Variants in SYNE1 observed in about 807,000 individuals in gnomAD.
SYNE1 encodes spectrin repeat containing nuclear envelope protein 1.
Under a neutral mutation model 1,111.0 loss-of-function variants are expected in SYNE1, and 616 were observed. That is an observed-to-expected ratio of 0.55 (90% CI 0.52 to 0.59). The LOEUF is 0.59. Among genes scored for constraint, SYNE1 ranks in the 20% least tolerant of loss-of-function variants. SYNE1 has a pLI of 0.00. For synonymous variants in SYNE1, 3,855 were observed against 3,825.8 expected (o/e 1.01, Z -0.28); for missense variants, 10,006 against 10,417.0 (o/e 0.96, Z 1.72).
chr6:152,620,146 A>G (rs913653392), intron 3 of SYNE1, among the ~76,000 whole-genome samples: 2 of 152,056 alleles, frequency 1.3e-5, no homozygotes, highest in South Asian at 4.1e-4. Context: ...CAACATTAAC[A>G]CAGTTGATCA....
chr6:152,362,202 G>T lies in SYNE1; in HGVS notation c.10267C>A (p.Arg3423=). Residue 3423 remains arginine (R), a synonymous_variant, in exon 64 of 146, where the codon CGG becomes AGG. Transcript: ENST00000367255. ...TTTCCGAGCATCGTTGTTTTATCCC[G>T]CAGCTCCGCATGCTGCCTTTCTGAT... ...NESERQHAEL[R]DKTTMLGKAK... is the part of the protein sequence containing the mutation. 6.2e-7 allele frequency: 1 copy of T among 1,614,184 alleles called. No individual in the cohort carries two copies.
At chr6:152,152,836 T>C (rs2060687752) in intron 133 of SYNE1, among the ~76,000 whole-genome samples, 1 of 152,204 alleles carries the variant, frequency 6.6e-6, no homozygotes, top group Non-Finnish European at 1.5e-5. Context: ...ATGTTAGAGC[T>C]AGTGTACCAC....
chr6:152,474,084 C>G (rs545305634), intron 14 of SYNE1, among the ~76,000 whole-genome samples: 3 of 151,900 alleles, frequency 2.0e-5, no homozygotes, highest in Non-Finnish European at 4.4e-5. Flanking sequence ...ACTTGGAAGG[C>G]TGAGGCAGGA....
chr6:152,376,619 G>A, intron 57 of SYNE1, 61 bp from the exon 58 acceptor site: 1 of 1,595,582 alleles, frequency 6.3e-7, no homozygotes, highest in South Asian at 1.1e-5. Flanking sequence ...TGAAAATCAT[G>A]TTTGATAGAA....
chr6:152,475,261 G>T (rs1051269227), intron 14 of SYNE1, among the ~76,000 whole-genome samples: 1 of 152,224 alleles, frequency 6.6e-6, no homozygotes, highest in East Asian at 1.9e-4. Context: ...TCATGATGGG[G>T]TTATGTCCCA....
intron 3 of SYNE1, among the ~76,000 whole-genome samples, chr6:152,610,474 C>T (rs1426872353): frequency 6.6e-6 from 1 of 152,074 alleles, no homozygotes; most frequent in Non-Finnish European, 1.5e-5. Context: ...TGAGCAAAGC[C>T]TACAAAAATA....
intron 100 of SYNE1, among the ~76,000 whole-genome samples, chr6:152,267,425 A>G (rs952471883): frequency 1.2e-4 from 18 of 152,232 alleles, no homozygotes; most frequent in African/African-American, 3.6e-4. Flanking sequence ...TAAATTCTAC[A>G]GAGGAGGCTC....
chr6:152,492,343 G>T (rs985207241), intron 11 of SYNE1, among the ~76,000 whole-genome samples: 29 of 152,180 alleles, frequency 1.9e-4, no homozygotes, highest in African/African-American at 7.0e-4. Flanking sequence ...TCAGCCAAGC[G>T]GCAACTTATT....
chr6:152,163,311 C>T (rs1586612420), intron 131 of SYNE1, among the ~76,000 whole-genome samples: 1 of 152,230 alleles, frequency 6.6e-6, no homozygotes, highest in East Asian at 1.9e-4. Flanking sequence ...CCAGCTTGGC[C>T]ATCATGGCGA....
intron 67 of SYNE1, 32 bp from the exon 68 acceptor site, chr6:152,353,776 C>G: frequency 1.2e-6 from 2 of 1,612,218 alleles, no homozygotes; most frequent in African/African-American, 1.3e-5. Context: ...GGGAAAGATT[C>G]AATCTTAGCC....
intron 10 of SYNE1, 130 bp downstream of exon 10, chr6:152,502,503 T>C (rs2099035004): frequency 2.7e-6 from 2 of 752,908 alleles, no homozygotes; most frequent in South Asian, 1.5e-5. Context: ...CATTTGGTGA[T>C]AGCTTTTTAA....
rs1233315733 is a variant in SYNE1, at chr6:152,605,033, AGAGGGAGG to A, written c.67+23224_67+23231del. On this transcript the variant is annotated intron_variant, in intron 3 of 145. Coordinates refer to ENST00000367255, the MANE Select transcript of SYNE1 (RefSeq NM_182961.4). ...GAGAGAGAGAGAGAGAGAGAGAGAGAGAGGGAGGGAGGGAGGGAGGGAGGGAGGGAGGG... is the reference window on the plus strand; with the variant it reads ...GAGAGAGAGAGAGAGAGAGAGAGAGAGAGGGAGGGAGGGAGGGAGGGAGGG... 4.3e-3 allele frequency among the ~76,000 whole-genome samples: 109 copies of A among 25,400 alleles called. 1 individual carries two copies. Among genetic ancestry groups the A allele is most frequent in the Admixed American group, 5.6e-3 (10 of 1,788 alleles). 16.7% of individuals were successfully genotyped at this position (25,400 alleles called of 152,430 possible). A position where few individuals can be genotyped will look rare whatever the true frequency, so the allele number is the denominator to read the frequency against.
intron 62 of SYNE1, chr6:152,366,885 G>A (rs2097091284): frequency 2.3e-6 from 1 of 427,504 alleles, no homozygotes; most frequent in African/African-American, 2.0e-5. Flanking sequence ...GGAAAAAGAT[G>A]GAAAATGTTT....
intron 28 of SYNE1, among the ~76,000 whole-genome samples, chr6:152,448,945 G>A (rs1053127125): frequency 6.6e-6 from 1 of 152,212 alleles, no homozygotes; most frequent in South Asian, 2.1e-4. Flanking sequence ...ATGTGCAAGG[G>A]TTAAAAATGT....
chr6:152,136,589 A>G, intron 141 of SYNE1, 29 bp downstream of exon 141: 1 of 1,611,482 alleles, frequency 6.2e-7, no homozygotes, highest in Non-Finnish European at 8.5e-7. Context: ...TCTCTCTCTG[A>G]GTCACCTCCT....
intron 33 of SYNE1, chr6:152,434,580 G>A (rs2098456792): frequency 6.6e-6 from 1 of 152,116 alleles, no homozygotes; most frequent in African/African-American, 2.4e-5. Context: ...TTGTACATGA[G>A]CACCCTAACT....
In SYNE1 at chr6:152,353,194, C is replaced by G. The variant is rs1393376908; in HGVS notation, c.11253+69G>C. 2.6e-6 allele frequency: 4 copies of G among 1,565,082 alleles called. No homozygotes were observed. In the East Asian group the frequency reaches 9.0e-5, roughly 35 times the overall value. On this transcript the variant is annotated intron_variant, in intron 69 of 145. Transcript: ENST00000367255. The stretch of plus-strand genomic sequence containing the variant: ...GGATGATCACCTGTGTTTCCAGTAT[C>G]TATGCAGGAGAATGGGGCAGCTTGG...
intron 33 of SYNE1, chr6:152,434,307 G>A (rs2098454258): frequency 1.2e-5 from 3 of 240,740 alleles, no homozygotes. Flanking sequence ...AGATTTCAGT[G>A]TACACAGCTT....
intron 126 of SYNE1, among the ~76,000 whole-genome samples, chr6:152,203,191 C>A (rs1314682616): frequency 6.6e-6 from 1 of 152,112 alleles, no homozygotes; most frequent in Non-Finnish European, 1.5e-5. Context: ...ATTTTTTACT[C>A]TGTATAGTTA....
Sources: allele counts gnomAD v4.1 joint callset (sites outside exome capture counted in the v4.1 genomes callset), GRCh38; gene constraint gnomAD v4.1.1; transcripts MANE v1.5; gene names NCBI Gene and HGNC (gene_info 2026-07-23, HGNC 2026-07-21).